REC114: variants seen among roughly 807,000 people sequenced by gnomAD.
REC114 encodes the protein REC114 meiotic recombination protein.
Under a neutral mutation model 31.3 loss-of-function variants are expected in REC114, and 27 were observed. The observed-to-expected ratio is 0.86, with a 90% CI of 0.64 to 1.19. REC114 has a LOEUF of 1.19. Among genes scored for constraint, REC114 ranks in the 50% most tolerant of loss-of-function variants. The pLI is 0.00. For synonymous variants in REC114, 134 were observed against 127.7 expected (o/e 1.05, Z -0.33); for missense variants, 344 against 326.9 (o/e 1.05, Z -0.40).
chr15:73,460,687 A>G (rs764335532), intron 1 of REC114, among the ~76,000 whole-genome samples: 5 of 151,908 alleles, frequency 3.3e-5, no homozygotes, highest in Non-Finnish European at 7.4e-5. Flanking sequence ...ATAGTTAGTG[A>G]TTTTATCAGA....
intron 2 of REC114, among the ~76,000 whole-genome samples, chr15:73,504,285 G>A (rs1468090451): frequency 6.6e-6 from 1 of 152,098 alleles, no homozygotes; most frequent in Non-Finnish European, 1.5e-5. Flanking sequence ...TTACAGGCGT[G>A]AGCCACTGCG....
At chr15:73,540,092 T>G (rs1296675527) in intron 2 of REC114, among the ~76,000 whole-genome samples, 1 of 152,118 alleles carries the variant, frequency 6.6e-6, no homozygotes, top group African/African-American at 2.4e-5. Context: ...TACTATGGAG[T>G]TAGAGACGTG....
At chr15:73,557,133 G>A (rs751976145) in intron 5 of REC114, among the ~76,000 whole-genome samples, 13 of 151,020 alleles carry the variant, frequency 8.6e-5, no homozygotes, top group Non-Finnish European at 1.9e-4. Flanking sequence ...GCAGTGGTGC[G>A]ATCTTGGCTC....
At chr15:73,559,658 C>CTAATCTTTCCT (rs1202860617) in intron 5 of REC114, 94 bp from the exon 6 acceptor site, 3 of 1,214,374 alleles carry the variant, frequency 2.5e-6, no homozygotes, top group Non-Finnish European at 3.3e-6. Flanking sequence ...GTGTATTTCG[C>CTAATCTTTCCT]TAATCTTTCC....
At chr15:73,459,495 G>T (rs914324790) in intron 1 of REC114, among the ~76,000 whole-genome samples, 1 of 152,102 alleles carries the variant, frequency 6.6e-6, no homozygotes, top group African/African-American at 2.4e-5. Flanking sequence ...GCCTCCCAAA[G>T]TGTTGGGATT....
At chr15:73,536,096 C>A (rs1894153268) in intron 2 of REC114, among the ~76,000 whole-genome samples, 1 of 151,834 alleles carries the variant, frequency 6.6e-6, no homozygotes, top group Admixed American at 6.6e-5. Context: ...TAGGCATTAC[C>A]ATTCAGGACA....
At chr15:73,452,976 A>G (rs1387948687) in intron 1 of REC114, among the ~76,000 whole-genome samples, 2 of 152,228 alleles carry the variant, frequency 1.3e-5, no homozygotes, top group African/African-American at 2.4e-5. Flanking sequence ...TTATACAAAA[A>G]TCAACTCAAG....
intron 1 of REC114, among the ~76,000 whole-genome samples, chr15:73,457,271 G>A (rs1379391566): frequency 2.0e-5 from 3 of 152,060 alleles, no homozygotes; most frequent in African/African-American, 4.8e-5. Context: ...TGTCCTGTGT[G>A]AGCTCTGGGG....
chr15:73,478,842 C>T (rs1189972646), intron 2 of REC114, among the ~76,000 whole-genome samples: 2 of 152,090 alleles, frequency 1.3e-5, no homozygotes, highest in Non-Finnish European at 2.9e-5. Context: ...TTTAAAATTT[C>T]AATATCTAAT....
At chr15:73,532,423 T>A (rs1266569791) in intron 2 of REC114, among the ~76,000 whole-genome samples, 1 of 150,904 alleles carries the variant, frequency 6.6e-6, no homozygotes, top group Admixed American at 6.6e-5. Context: ...TTTGCTATTG[T>A]GAATAGTGCC....
At chr15:73,450,459 A>G (rs1484357908) in intron 1 of REC114, among the ~76,000 whole-genome samples, 1 of 152,212 alleles carries the variant, frequency 6.6e-6, no homozygotes, top group African/African-American at 2.4e-5. Context: ...TATGCACCCA[A>G]TACAGGAGCA....
intron 1 of REC114, among the ~76,000 whole-genome samples, chr15:73,462,598 A>T (rs897243539): frequency 6.6e-6 from 1 of 152,136 alleles, no homozygotes; most frequent in Non-Finnish European, 1.5e-5. Context: ...AAGAATTACC[A>T]ACTCGGGCCA....
intron 2 of REC114, among the ~76,000 whole-genome samples, chr15:73,508,239 T>G (rs1419846585): frequency 6.6e-6 from 1 of 152,158 alleles, no homozygotes; most frequent in East Asian, 1.9e-4. Flanking sequence ...GCATAGAAAT[T>G]AAAGTAAAAT....
chr15:73,486,655 G>T (rs1893374543), intron 2 of REC114, among the ~76,000 whole-genome samples: 1 of 152,188 alleles, frequency 6.6e-6, no homozygotes, highest in African/African-American at 2.4e-5. Context: ...CGTGTCTGAG[G>T]TATCTCTACT....
chr15:73,456,361 GA>G (rs1245179947), intron 1 of REC114, among the ~76,000 whole-genome samples: 2 of 151,690 alleles, frequency 1.3e-5, no homozygotes, highest in African/African-American at 2.4e-5. Context: ...CTTTCAAAGG[GA>G]AAAAAATCCT....
chr15:73,492,555 A>G (rs1475659540), intron 2 of REC114, among the ~76,000 whole-genome samples: 3 of 152,210 alleles, frequency 2.0e-5, no homozygotes, highest in South Asian at 4.1e-4. Flanking sequence ...TAACATGCAT[A>G]TGAATTATCT....
chr15:73,465,514 C>T (rs1893045268), intron 1 of REC114, among the ~76,000 whole-genome samples: 1 of 152,116 alleles, frequency 6.6e-6, no homozygotes, highest in South Asian at 2.1e-4. Flanking sequence ...CATCTGTGTC[C>T]TGTCTTTGCA....
At chr15:73,474,004 C>G (rs1297808367) in intron 2 of REC114, 83 bp downstream of exon 2, 1 of 855,640 alleles carries the variant, frequency 1.2e-6, no homozygotes, top group Non-Finnish European at 1.9e-6. Context: ...CCTCAAGCTT[C>G]TTCAGTCTCA....
At chr15:73,531,610 G>A (rs1225671889) in intron 2 of REC114, among the ~76,000 whole-genome samples, 1 of 152,132 alleles carries the variant, frequency 6.6e-6, no homozygotes, top group African/African-American at 2.4e-5. Context: ...AGGAAATGGG[G>A]GTGTCAACCA....
Sources: allele counts gnomAD v4.1 joint callset (sites outside exome capture counted in the v4.1 genomes callset), GRCh38; gene constraint gnomAD v4.1.1; transcripts MANE v1.5; gene names NCBI Gene and HGNC (gene_info 2026-07-23, HGNC 2026-07-21).